The following SKI variants were observed in gnomAD, a reference collection of about 807,000 sequenced individuals.
The protein encoded by SKI is SKI proto-oncogene.
SKI carries 23 observed loss-of-function variants against 59.3 expected under a neutral mutation model. That is an observed-to-expected ratio of 0.39 (90% CI 0.28 to 0.55). The LOEUF (loss-of-function observed/expected upper bound fraction) is 0.55, where lower values mean the gene tolerates loss of function less well. SKI is among the 20% of genes least tolerant of loss of function. SKI has a pLI of 0.67. For missense variants in SKI, 1,017 were observed against 1,038.9 expected, an observed-to-expected ratio of 0.98 and a Z score of 0.29; for synonymous variants, 673 against 488.6, an observed-to-expected ratio of 1.38 and a Z score of -4.98.
chr1:2,306,494 G>C, intron 6 of SKI, 83 bp from the exon 7 acceptor site: 1 of 1,396,460 alleles, frequency 7.2e-7, no homozygotes, highest in Admixed American at 2.0e-5. Context: ...AGGGAGCGGC[G>C]CAGGAGCCTC....
At chr1:2,280,569 C>T (rs200035984) in intron 1 of SKI, among the ~76,000 whole-genome samples, 1 of 152,030 alleles carries the variant, frequency 6.6e-6, no homozygotes, top group Admixed American at 6.6e-5. Context: ...CTGAAGACAC[C>T]TGAGAAGACA....
Position 2,251,659 on chromosome 1 carries a change from G to A in SKI, c.969+21924G>A, listed in dbSNP as rs1031144005. Among the ~76,000 whole-genome samples, 9 of 152,332 alleles carry A rather than the reference G, an allele frequency of 5.9e-5. No individual in the cohort carries two copies. The East Asian group carries it at 7.7e-4, about 13-fold the overall frequency. ...GGCAGCATCTGGGGGGGCTGGCGCCGGGCAGTGGGAGACCTGCTCCATGTC... is the reference window on the plus strand; with the variant it reads ...GGCAGCATCTGGGGGGGCTGGCGCCAGGCAGTGGGAGACCTGCTCCATGTC... On this transcript the variant is annotated intron_variant, in intron 1 of 6. Transcript: ENST00000378536.
chr1:2,303,139 G>A lies in SKI; in HGVS notation c.1095+36G>A. Reference sequence around the variant, plus strand: ...GCCTGTCGGGGTCCTTGGGGTGGTGGGTACTGGGCCCTTCTCCTTGGGCAG... The same window carrying A: ...GCCTGTCGGGGTCCTTGGGGTGGTGAGTACTGGGCCCTTCTCCTTGGGCAG... On this transcript the variant is annotated intron_variant, in intron 2 of 6. Transcript: ENST00000378536. The surrounding 1 kb of genome is among the most constrained non-coding windows in gnomAD (Gnocchi z 5.6). 3 of 1,612,308 alleles carry A rather than the reference G, an allele frequency of 1.9e-6. No homozygotes were observed. Among genetic ancestry groups the A allele is most frequent in the Non-Finnish European group, 2.5e-6 (3 of 1,179,660 alleles).
At chr1:2,298,052 A>C (rs1434308347) in intron 1 of SKI, among the ~76,000 whole-genome samples, 7 of 152,166 alleles carry the variant, frequency 4.6e-5, no homozygotes, top group Admixed American at 3.9e-4. Context: ...GCATCCATGC[A>C]GGTGTGGAGA....
At chr1:2,249,692 C>T (rs1220332130) in intron 1 of SKI, among the ~76,000 whole-genome samples, 1 of 152,214 alleles carries the variant, frequency 6.6e-6, no homozygotes, top group Non-Finnish European at 1.5e-5. Context: ...CACGGTGTCC[C>T]CTGCTCCAAC....
rs79829615 is a variant in SKI, at chr1:2,261,344, G to C, written c.969+31609G>C. Among the ~76,000 whole-genome samples the C allele has an allele frequency of 7.4e-4, 112 of 152,316 alleles. No individual in the cohort carries two copies. The East Asian group carries it at 0.012, about 17-fold the overall frequency. ...TTTCTGGGAAATTTTGATTGGGATT[G>C]TATTGAGTCCATAGATAAATTGGGA... On this transcript the variant is annotated intron_variant, in intron 1 of 6. Coordinates refer to ENST00000378536, the MANE Select transcript of SKI (RefSeq NM_003036.4).
In SKI at chr1:2,270,282, T is replaced by C. The variant is rs2100852605; in HGVS notation, c.970-32696T>C. Among the ~76,000 whole-genome samples the C allele has an allele frequency of 6.6e-6, 1 of 152,258 alleles. No individual in the cohort carries two copies. Among genetic ancestry groups the C allele is most frequent in the South Asian group, 2.1e-4 (1 of 4,824 alleles). On this transcript the variant is annotated intron_variant, in intron 1 of 6. Coordinates refer to ENST00000378536, the MANE Select transcript of SKI (RefSeq NM_003036.4). This position sits in a 1 kb window ranked among gnomAD's most constrained non-coding sequence, Gnocchi z 4.1. ...TGGACCTGCTGCGTGTTATCCTCCC[T>C]GCGGGCCTGGCATGGGAGTAGGGGC...
Position 2,306,831 on chromosome 1 carries a change from A to T in SKI, c.*66A>T. 1.7e-6 allele frequency: 2 copies of T among 1,169,094 alleles called. No homozygotes were observed. Among genetic ancestry groups the T allele is most frequent in the Non-Finnish European group, 2.2e-6 (2 of 907,878 alleles). The allele number at this position is 1,169,094 out of a possible 1,614,324, so 72.4% of individuals were successfully genotyped here. A position where few individuals can be genotyped will look rare whatever the true frequency, so the allele number is the denominator to read the frequency against. On this transcript the variant is annotated 3_prime_UTR_variant, in exon 7 of 7. Transcript: ENST00000378536. ...GCAGGGGGGCGCGGCTGGGCGGTGCAGCTCCGCCCGGCTCCGCCCCTGCAG... is the reference window on the plus strand; with the variant it reads ...GCAGGGGGGCGCGGCTGGGCGGTGCTGCTCCGCCCGGCTCCGCCCCTGCAG...
intron 1 of SKI, among the ~76,000 whole-genome samples, chr1:2,235,599 A>T (rs1030989418): frequency 6.6e-6 from 1 of 152,168 alleles, no homozygotes; most frequent in Non-Finnish European, 1.5e-5. Context: ...TGTTGGTTTC[A>T]CTGTGTGGTA....
intron 1 of SKI, among the ~76,000 whole-genome samples, chr1:2,260,806 T>TGA (rs1311111192): frequency 6.6e-6 from 1 of 152,216 alleles, no homozygotes; most frequent in Non-Finnish European, 1.5e-5. Flanking sequence ...CCCAAAGTGC[T>TGA]GAGATTACAG....
In SKI at chr1:2,229,133, C is replaced by T. The variant is rs1557806748; in HGVS notation, c.367C>T (p.Leu123=). 1 of 1,611,504 alleles carries T rather than the reference C, an allele frequency of 6.2e-7. No homozygotes were observed. The highest frequency in any genetic ancestry group is 1.7e-5 in the Admixed American group (1 of 60,020). Residue 123 remains leucine (L), a synonymous_variant, in exon 1 of 7, where the codon CTG becomes TTG. Coordinates refer to ENST00000378536, the MANE Select transcript of SKI (RefSeq NM_003036.4). The surrounding 1 kb of genome is among the most constrained non-coding windows in gnomAD (Gnocchi z 6.3). ...GGTGGGAGGCGAGAAGCGCCTGTGT[C>T]TGCCGCAGATTCTCAACTCGGTGCT... is the stretch of plus-strand genomic sequence containing the variant. ...FVVGGEKRLC[L]PQILNSVLRD... is the part of the protein sequence containing the mutation.
chr1:2,273,951 C>T (rs140889532), intron 1 of SKI, among the ~76,000 whole-genome samples: 44 of 152,258 alleles, frequency 2.9e-4, no homozygotes, highest in African/African-American at 7.5e-4. Flanking sequence ...TCTCCCTGAC[C>T]GGCAGCGCCA....
In SKI at chr1:2,245,788, CTTTTTTTTTTT is replaced by C. The variant is rs766445644; in HGVS notation, c.969+16069_969+16079del. Among the ~76,000 whole-genome samples the C allele has an allele frequency of 2.4e-4, 17 of 70,380 alleles. No homozygotes were observed. In the East Asian group the frequency reaches 2.9e-3, roughly 12 times the overall value. The allele number at this position is 70,380 out of a possible 152,430, so 46.2% of individuals were successfully genotyped here. On this transcript the variant is annotated intron_variant, in intron 1 of 6. Coordinates refer to ENST00000378536, the MANE Select transcript of SKI (RefSeq NM_003036.4). ...ACTGCACCTGGCCCTATTTTTCCTTCTTTTTTTTTTTTTTTTTTTTTTTTTTGAGGCAGGGT... is the reference window on the plus strand; with the variant it reads ...ACTGCACCTGGCCCTATTTTTCCTTCTTTTTTTTTTTTTTTGAGGCAGGGT...
Position 2,243,269 on chromosome 1 carries a change from A to C in SKI, c.969+13534A>C, listed in dbSNP as rs1266374777. On this transcript the variant is annotated intron_variant, in intron 1 of 6. Coordinates refer to ENST00000378536, the MANE Select transcript of SKI (RefSeq NM_003036.4). ...ACAAACACATCACACGGGCTTCGTG[A>C]CCATGTGCTGGCTGCACGAGATGTC... is the stretch of plus-strand genomic sequence containing the variant. Among the ~76,000 whole-genome samples, 5 of 152,236 alleles carry C rather than the reference A, an allele frequency of 3.3e-5. No individual in the cohort carries two copies. The East Asian group carries it at 9.6e-4, about 29-fold the overall frequency.
intron 1 of SKI, among the ~76,000 whole-genome samples, chr1:2,289,389 C>G (rs1182943231): frequency 6.6e-6 from 1 of 152,048 alleles, no homozygotes; most frequent in Admixed American, 6.6e-5. Flanking sequence ...GAGGGCTGGT[C>G]ACCACGTGGC....
chr1:2,305,678 T>C (rs1640554835), intron 5 of SKI, among the ~76,000 whole-genome samples: 1 of 152,144 alleles, frequency 6.6e-6, no homozygotes, highest in African/African-American at 2.4e-5. Flanking sequence ...GAGGCTGCCC[T>C]CCTCACATTG....
At chr1:2,260,469 C>T (rs570504138) in intron 1 of SKI, among the ~76,000 whole-genome samples, 14 of 149,668 alleles carry the variant, frequency 9.4e-5, no homozygotes, top group South Asian at 4.2e-4. Flanking sequence ...CTTTTCTGAA[C>T]GGTGTTTTTT....
chr1:2,238,533 G>A (rs1638799152), intron 1 of SKI, among the ~76,000 whole-genome samples: 1 of 152,228 alleles, frequency 6.6e-6, no homozygotes, highest in South Asian at 2.1e-4. Flanking sequence ...ACTTCCCTCT[G>A]CAGAGGTGGC....
At chr1:2,283,278 C>T (rs964695677) in intron 1 of SKI, among the ~76,000 whole-genome samples, 1 of 152,230 alleles carries the variant, frequency 6.6e-6, no homozygotes, top group Non-Finnish European at 1.5e-5. Flanking sequence ...CTCAGTCTCC[C>T]CAGCACGGAG....
Sources: allele counts gnomAD v4.1 joint callset (sites outside exome capture counted in the v4.1 genomes callset), GRCh38; gene constraint gnomAD v4.1.1; non-coding constraint Gnocchi (gnomAD v3.1); transcripts MANE v1.5; gene names NCBI Gene and HGNC (gene_info 2026-07-23, HGNC 2026-07-21).